Variants in PLEKHA7 observed in about 807,000 individuals in gnomAD.
PLEKHA7 encodes the protein pleckstrin homology domain containing A7.
Under a neutral mutation model 170.0 loss-of-function variants are expected in PLEKHA7, and 104 were observed. The observed-to-expected ratio is 0.61, with a 90% CI of 0.52 to 0.72. The LOEUF (loss-of-function observed/expected upper bound fraction) is 0.72. Among genes scored for constraint, PLEKHA7 ranks in the 30% least tolerant of loss-of-function variants. The probability of loss-of-function intolerance (pLI) is 0.00; values close to 1 mark genes in which losing one functional copy is unlikely to be tolerated. For missense variants in PLEKHA7, 1,615 were observed against 1,671.7 expected, an observed-to-expected ratio of 0.97 and a Z score of 0.59; for synonymous variants, 648 against 660.8, an observed-to-expected ratio of 0.98 and a Z score of 0.30.
At chr11:16,897,801 C>A (rs780462423) in intron 3 of PLEKHA7, among the ~76,000 whole-genome samples, 2 of 152,150 alleles carry the variant, frequency 1.3e-5, no homozygotes, top group African/African-American at 2.4e-5. Context: ...CCTGCACACA[C>A]ACATTTGGCT....
chr11:16,901,838 C>T (rs1011219867), intron 3 of PLEKHA7, among the ~76,000 whole-genome samples: 13 of 152,088 alleles, frequency 8.5e-5, no homozygotes, highest in Non-Finnish European at 1.9e-4. Flanking sequence ...CAGTGCACTC[C>T]GGCCTAGGCA....
At chr11:16,970,653 C>T (rs1001095108) in intron 3 of PLEKHA7, among the ~76,000 whole-genome samples, 3 of 151,584 alleles carry the variant, frequency 2.0e-5, no homozygotes, top group African/African-American at 4.9e-5. Flanking sequence ...GGCAACAAAT[C>T]GAGACTCCAT....
At chr11:16,813,091 C>A in intron 13 of PLEKHA7, 22 bp downstream of exon 13, 2 of 1,609,272 alleles carry the variant, frequency 1.2e-6, no homozygotes, top group Non-Finnish European at 1.7e-6. Flanking sequence ...GCAAGGAAGG[C>A]AGGAACCCTG....
chr11:17,013,726 C>T lies in PLEKHA7; in HGVS notation c.221+263G>A, dbSNP rs188052897. On this transcript the variant is annotated intron_variant, in intron 3 of 26. Transcript: ENST00000531066. ...CCCGCACACCAGCACCCGAATCCAG[C>T]CGGATTGCAAGGTCCAGGGCGCAGA... Among the ~76,000 whole-genome samples the T allele has an allele frequency of 8.6e-3, 1,317 of 152,346 alleles. 6 individuals carry two copies. The highest frequency in any genetic ancestry group is 0.015 in the Non-Finnish European group (1,009 of 68,032).
intron 12 of PLEKHA7, among the ~76,000 whole-genome samples, chr11:16,814,546 G>A (rs1253647926): frequency 1.3e-5 from 2 of 152,198 alleles, no homozygotes; most frequent in Non-Finnish European, 2.9e-5. Flanking sequence ...TCCTTGAGAA[G>A]CTTGCCTGCA....
At chr11:16,946,804 C>A (rs534634147) in intron 3 of PLEKHA7, among the ~76,000 whole-genome samples, 1 of 152,274 alleles carries the variant, frequency 6.6e-6, no homozygotes, top group Non-Finnish European at 1.5e-5. Flanking sequence ...CCCTCCCCCA[C>A]AGAGACAACC....
chr11:16,970,482 A>T (rs992285255), intron 3 of PLEKHA7, among the ~76,000 whole-genome samples: 1 of 152,046 alleles, frequency 6.6e-6, no homozygotes, highest in Non-Finnish European at 1.5e-5. Context: ...CAACAAAGTG[A>T]GACCTTGTCT....
chr11:16,781,095 C>T (rs145581403), intron 26 of PLEKHA7: 2 of 816,052 alleles, frequency 2.5e-6, no homozygotes, highest in East Asian at 2.5e-4. Context: ...TTAGACTCCT[C>T]ATCAGCTCCT....
At chr11:16,827,155 T>C (rs1305083584) in intron 9 of PLEKHA7, among the ~76,000 whole-genome samples, 2 of 152,202 alleles carry the variant, frequency 1.3e-5, no homozygotes, top group African/African-American at 4.8e-5. Flanking sequence ...CTCCCACTGG[T>C]GTCTAACACA....
chr11:16,884,096 C>G (rs1855899547), intron 3 of PLEKHA7, among the ~76,000 whole-genome samples: 1 of 130,560 alleles, frequency 7.7e-6, no homozygotes, highest in Non-Finnish European at 1.7e-5. Flanking sequence ...TCCTCCATAT[C>G]CATACACAAG....
rs1204037880 is a variant in PLEKHA7, at chr11:16,816,972, G to C, written c.1694C>G (p.Ser565Cys). 2.7e-5 allele frequency: 44 copies of C among 1,609,802 alleles called. No homozygotes were observed. Among genetic ancestry groups the C allele is most frequent in the Non-Finnish European group, 3.6e-5 (42 of 1,177,864 alleles). ...GATGTCCGAGGGAGATGGAGGCACA[G>C]AGATGGAGCGGGGCACCTCTAGCAT... ...RSMLEVPRSISVPPSPSDIPP... is the reference protein window; with the variant it reads ...RSMLEVPRSICVPPSPSDIPP... Residue 565 changes from serine (S) to cysteine (C), a missense_variant, in exon 11 of 27, where the codon TCT becomes TGT. By Grantham distance (112) the Ser-to-Cys change is moderately radical (BLOSUM62 -1). Transcript: ENST00000531066.
intron 12 of PLEKHA7, 103 bp downstream of exon 12, chr11:16,816,075 T>C (rs1356327497): frequency 3.2e-6 from 3 of 942,518 alleles, no homozygotes; most frequent in Non-Finnish European, 3.4e-6. Flanking sequence ...ATCTCTAATA[T>C]GGGGGTTAAT....
chr11:16,921,204 C>T lies in PLEKHA7; in HGVS notation c.222-50022G>A, dbSNP rs117479579. Among the ~76,000 whole-genome samples, 1,090 of 152,204 alleles carry T rather than the reference C, an allele frequency of 7.2e-3. 5 individuals carry two copies. The highest frequency in any genetic ancestry group is 0.015 in the South Asian group (72 of 4,828). On this transcript the variant is annotated intron_variant, in intron 3 of 26. Coordinates refer to ENST00000531066, the MANE Select transcript of PLEKHA7 (RefSeq NM_001329630.2). The stretch of plus-strand genomic sequence containing the variant: ...ACAGAGCAAAACAGCTTACCAGATG[C>T]GTCAGAAAGAAAGATGGGACCTTGA...
intron 3 of PLEKHA7, among the ~76,000 whole-genome samples, chr11:16,873,143 T>A (rs1324169772): frequency 1.3e-5 from 2 of 152,206 alleles, no homozygotes; most frequent in South Asian, 2.1e-4. Flanking sequence ...CAATAGATCA[T>A]CTCAGTTGGT....
chr11:16,922,578 A>G (rs937415653), intron 3 of PLEKHA7, among the ~76,000 whole-genome samples: 2 of 152,136 alleles, frequency 1.3e-5, no homozygotes, highest in Non-Finnish European at 2.9e-5. Flanking sequence ...TACAAACCCT[A>G]GGTTGGAACT....
chr11:16,792,492 C>T (rs1847930553), intron 19 of PLEKHA7, among the ~76,000 whole-genome samples: 1 of 149,792 alleles, frequency 6.7e-6, no homozygotes, highest in Non-Finnish European at 1.5e-5. Context: ...TATATACCAG[C>T]ATAATCACAG....
intron 3 of PLEKHA7, among the ~76,000 whole-genome samples, chr11:16,917,721 G>GT (rs1317262246): frequency 6.6e-6 from 1 of 152,162 alleles, no homozygotes; most frequent in Non-Finnish European, 1.5e-5. Flanking sequence ...CCCATATAAG[G>GT]TAACATATTC....
intron 17 of PLEKHA7, chr11:16,795,463 A>C (rs1848156417): frequency 5.6e-6 from 1 of 178,652 alleles, no homozygotes; most frequent in Admixed American, 5.4e-5. Flanking sequence ...CAAAAATGTG[A>C]ATGTACTTAA....
intron 3 of PLEKHA7, among the ~76,000 whole-genome samples, chr11:16,887,126 A>T (rs1856173058): frequency 6.6e-6 from 1 of 152,114 alleles, no homozygotes; most frequent in Admixed American, 6.5e-5. Context: ...TAAAAATCAG[A>T]CAGAACTTCT....
Sources: allele counts gnomAD v4.1 joint callset (sites outside exome capture counted in the v4.1 genomes callset), GRCh38; gene constraint gnomAD v4.1.1; transcripts MANE v1.5; gene names NCBI Gene and HGNC (gene_info 2026-07-23, HGNC 2026-07-21).